The following MCF2L2 variants were observed in gnomAD, a reference collection of about 807,000 sequenced individuals.
MCF2L2 encodes the protein MCF.2 cell line derived transforming sequence-like 2.
In MCF2L2, 102 loss-of-function variants were observed where a neutral mutation model predicts 150.2. The observed-to-expected ratio is 0.68, with a 90% CI of 0.58 to 0.80. MCF2L2 has a LOEUF of 0.80. Ranked by LOEUF, MCF2L2 falls within the 30% of genes least tolerant of loss-of-function variation. MCF2L2 has a pLI of 0.00. For missense variants in MCF2L2, 1,256 were observed against 1,372.8 expected (o/e 0.91, Z 1.34); for synonymous variants, 465 against 491.3 (o/e 0.95, Z 0.71).
At chr3:183,315,480 C>T (rs145227739) in intron 7 of MCF2L2, among the ~76,000 whole-genome samples, 84 of 152,254 alleles carry the variant, frequency 5.5e-4, no homozygotes, top group African/African-American at 1.8e-3. Flanking sequence ...TTTCCTTTCA[C>T]TTGTCTTACA....
intron 15 of MCF2L2, among the ~76,000 whole-genome samples, chr3:183,255,790 T>C (rs1724986045): frequency 6.6e-6 from 1 of 150,808 alleles, no homozygotes; most frequent in South Asian, 2.1e-4. Context: ...ATAAAAGACA[T>C]TCAAATGGTG....
intron 1 of MCF2L2, among the ~76,000 whole-genome samples, chr3:183,410,063 G>A (rs1715245525): frequency 6.6e-6 from 1 of 152,150 alleles, no homozygotes; most frequent in African/African-American, 2.4e-5. Flanking sequence ...CCTAGGCAGA[G>A]ACTACAATAA....
Position 183,195,226 on chromosome 3 carries a change from T to C in MCF2L2, c.2914A>G (p.Thr972Ala), listed in dbSNP as rs748823704. The change falls in exon 26 of 30, where the codon ACG (threonine) becomes GCG (alanine). Residue 972 changes from threonine (T) to alanine (A), a missense_variant. Coordinates refer to ENST00000328913, the MANE Select transcript of MCF2L2 (RefSeq NM_015078.4). Reference sequence around the variant, plus strand: ...AATAAAAAAATCAGTACTCACCTCGTGCTCATTTCAAACTGTGGATTTCCT... The same window carrying C: ...AATAAAAAAATCAGTACTCACCTCGCGCTCATTTCAAACTGTGGATTTCCT... ...DQGNPQFEMS[T>A]SKGSGAGSGP... The C allele has an allele frequency of 9.3e-6, 15 of 1,605,574 alleles. No individual in the cohort carries two copies. The highest frequency in any genetic ancestry group is 1.2e-5 in the Non-Finnish European group (14 of 1,177,278).
intron 22 of MCF2L2, among the ~76,000 whole-genome samples, chr3:183,215,320 T>G (rs546417847): frequency 6.6e-6 from 1 of 152,208 alleles, no homozygotes; most frequent in Admixed American, 6.5e-5. Context: ...TACTTCAAAG[T>G]AAAAAACAAA....
chr3:183,403,052 G>A (rs796365224), intron 1 of MCF2L2, among the ~76,000 whole-genome samples: 31 of 152,046 alleles, frequency 2.0e-4, no homozygotes, highest in African/African-American at 5.3e-4. Context: ...AGGCTGAGGC[G>A]GGCAGATCAC....
At chr3:183,240,185 G>T (rs1411629293) in intron 15 of MCF2L2, among the ~76,000 whole-genome samples, 5 of 152,176 alleles carry the variant, frequency 3.3e-5, no homozygotes, top group Non-Finnish European at 7.3e-5. Flanking sequence ...ATCCTTCTGA[G>T]ATTTCTCTTC....
chr3:183,304,461 G>GTTTT, intron 10 of MCF2L2, among the ~76,000 whole-genome samples: 1 of 105,330 alleles, frequency 9.5e-6, no homozygotes, highest in African/African-American at 4.3e-5. Flanking sequence ...CCTGGGCAGT[G>GTTTT]ATTTTTTTTT....
chr3:183,410,119 C>G (rs2108621015), intron 1 of MCF2L2, among the ~76,000 whole-genome samples: 1 of 152,272 alleles, frequency 6.6e-6, no homozygotes, highest in East Asian at 1.9e-4. Flanking sequence ...CTAAAAGTGG[C>G]TATTCCCCTT....
Position 183,198,079 on chromosome 3 carries a change from G to T in MCF2L2, c.2885-2824C>A, listed in dbSNP as rs56229307. Among the ~76,000 whole-genome samples the T allele has an allele frequency of 4.8e-3, 736 of 152,120 alleles. 4 individuals are homozygous for T. The highest frequency in any genetic ancestry group is 0.017 in the African/African-American group (710 of 41,496). ...TATGGCCTAACCATTACACTCTTAG[G>T]TATTTACCCAAGAGAAATGAAAACA... is the stretch of plus-strand genomic sequence containing the variant. On this transcript the variant is annotated intron_variant, in intron 25 of 29. Transcript: ENST00000328913.
At chr3:183,231,737 G>A (rs1031094147) in intron 15 of MCF2L2, among the ~76,000 whole-genome samples, 1 of 151,992 alleles carries the variant, frequency 6.6e-6, no homozygotes, top group African/African-American at 2.4e-5. Flanking sequence ...GGGATTATAG[G>A]TGTGAGACAC....
Position 183,283,637 on chromosome 3 carries a change from T to C in MCF2L2, c.1776+5483A>G, listed in dbSNP as rs1037822926. Among the ~76,000 whole-genome samples, 4 of 152,048 alleles carry C rather than the reference T, an allele frequency of 2.6e-5. No individual in the cohort carries two copies. Among genetic ancestry groups the C allele is most frequent in the African/African-American group, 9.7e-5 (4 of 41,414 alleles). On this transcript the variant is annotated intron_variant, in intron 14 of 29. Transcript: ENST00000328913. This position sits in a 1 kb window ranked among gnomAD's most constrained non-coding sequence, Gnocchi z 4.2. Reference sequence around the variant, plus strand: ...CCCAGGTTCAAGTGATTCTCCTGCCTCAGCCTCCTGAGTAGCTGGGATTAC... The same window carrying C: ...CCCAGGTTCAAGTGATTCTCCTGCCCCAGCCTCCTGAGTAGCTGGGATTAC...
At chr3:183,355,613 ATTTTTTTTTTTTTTTTTT>A (rs71185653) in intron 3 of MCF2L2, among the ~76,000 whole-genome samples, 1 of 84,454 alleles carries the variant, frequency 1.2e-5, no homozygotes, top group Non-Finnish European at 2.2e-5. Context: ...CGCCCAGCTA[ATTTTTTTTTTTTTTTTTT>A]TTTTTTTGGT....
intron 23 of MCF2L2, 65 bp from the exon 24 acceptor site, chr3:183,206,279 C>A: frequency 8.7e-7 from 1 of 1,145,938 alleles, no homozygotes; most frequent in Non-Finnish European, 1.3e-6. Flanking sequence ...TAGTCCCTGT[C>A]AATCACTCTA....
rs929056860 is a variant in MCF2L2 at position 183,193,072 on chromosome 3, T to C, written c.2943A>G (p.Gly981=). 31 of 1,613,988 alleles carry C rather than the reference T, an allele frequency of 1.9e-5. No homozygotes were observed. The highest frequency in any genetic ancestry group is 2.5e-5 in the Non-Finnish European group (29 of 1,180,000). Reference sequence around the variant, plus strand: ...CTCTTTCCATATTTTTAATCCATGGTCCGGATCCTGCTCCACTGCCTTTGC... The same window carrying C: ...CTCTTTCCATATTTTTAATCCATGGCCCGGATCCTGCTCCACTGCCTTTGC... ...STSKGSGAGS[G]PWIKNMERAT... is the part of the protein sequence containing the mutation. Residue 981 remains glycine (G), a synonymous_variant, in exon 27 of 30, where the codon GGA becomes GGG. Transcript: ENST00000328913.
intron 11 of MCF2L2, 86 bp from the exon 12 acceptor site, chr3:183,297,253 G>A (rs1391793644): frequency 5.2e-6 from 6 of 1,151,322 alleles, no homozygotes; most frequent in South Asian, 2.8e-5. Flanking sequence ...AGCTTGTAAG[G>A]TGTCTACAAG....
intron 11 of MCF2L2, chr3:183,299,702 T>G: frequency 3.1e-6 from 1 of 327,344 alleles, no homozygotes; most frequent in South Asian, 3.4e-5. Flanking sequence ...TGAAAGGGAA[T>G]CAAGAAGTGT....
In MCF2L2 at chr3:183,293,044, T is replaced by G. The variant is rs564662416; in HGVS notation, c.1675+2256A>C. 9.8e-4 allele frequency among the ~76,000 whole-genome samples: 149 copies of G among 152,280 alleles called. 1 individual carries two copies. The highest frequency in any genetic ancestry group is 3.4e-3 in the African/African-American group (142 of 41,554). ...GATGATGGATGTAAACATAAAAATC[T>G]AATCACTCCAATTACAAGGCAGAGG... On this transcript the variant is annotated intron_variant, in intron 13 of 29. Transcript: ENST00000328913.
At chr3:183,278,687 C>T (rs1364294855) in intron 14 of MCF2L2, among the ~76,000 whole-genome samples, 1 of 152,118 alleles carries the variant, frequency 6.6e-6, no homozygotes, top group African/African-American at 2.4e-5. Flanking sequence ...AAACCTGCTC[C>T]CAATTATAAA....
chr3:183,421,933 G>A (rs574653753), intron 1 of MCF2L2, among the ~76,000 whole-genome samples: 16 of 152,242 alleles, frequency 1.1e-4, no homozygotes, highest in African/African-American at 3.4e-4. Flanking sequence ...TAGTCTGTGT[G>A]GGTTTAACAG....
Sources: allele counts gnomAD v4.1 joint callset (sites outside exome capture counted in the v4.1 genomes callset), GRCh38; gene constraint gnomAD v4.1.1; non-coding constraint Gnocchi (gnomAD v3.1); transcripts MANE v1.5; gene names NCBI Gene and HGNC (gene_info 2026-07-23, HGNC 2026-07-21).